Variants in NPIPB2 observed in about 807,000 individuals in gnomAD.
The protein encoded by NPIPB2 is nuclear pore complex-interacting protein family member B2.
A neutral mutation model predicts 30.8 loss-of-function variants in NPIPB2; 27 were observed. The observed-to-expected ratio is 0.88, with a 90% CI of 0.65 to 1.21. The LOEUF (loss-of-function observed/expected upper bound fraction) is 1.21, where lower values mean the gene tolerates loss of function less well. Ranked by LOEUF, NPIPB2 falls within the 50% of genes most tolerant of loss-of-function variation. NPIPB2 has a pLI of 0.00. For synonymous variants in NPIPB2, 147 were observed against 162.0 expected, an observed-to-expected ratio of 0.91 and a Z score of 0.70; for missense variants, 440 against 446.2, an observed-to-expected ratio of 0.99 and a Z score of 0.13.
chr16:11,932,004 G>A (rs2054795759), intron 4 of NPIPB2, among the ~76,000 whole-genome samples: 1 of 150,862 alleles, frequency 6.6e-6, no homozygotes, highest in Admixed American at 6.6e-5. Flanking sequence ...AGTGGATTGA[G>A]GGTCTGCCAA....
exon 1 of NPIPB2, chr16:11,941,988 C>T: frequency 1.7e-6 from 2 of 1,165,504 alleles, no homozygotes; most frequent in South Asian, 1.3e-5. Flanking sequence ...CATACCCAAG[C>T]AGAGTGCCAG....
In NPIPB2 at chr16:11,951,771, T is replaced by G. The variant is rs571795204; in HGVS notation, c.-583-9657A>C. Among the ~76,000 whole-genome samples, 20 of 152,094 alleles carry G rather than the reference T, an allele frequency of 1.3e-4. No individual in the cohort carries two copies. The South Asian group carries it at 3.9e-3, about 30-fold the overall frequency. On this transcript the variant is annotated intron_variant, in intron 1 of 5. Transcript: ENST00000538896. Reference sequence around the variant, plus strand: ...GGCCAGGTGCGGTGGCTCACGCCTGTAATCCCAGCACTTTGGGAGGCCGAG... The same window carrying G: ...GGCCAGGTGCGGTGGCTCACGCCTGGAATCCCAGCACTTTGGGAGGCCGAG...
Position 11,959,458 on chromosome 16 carries a change from C to T in NPIPB2, c.-584+17110G>A, listed in dbSNP as rs190497201. ...GAAAAAAAATTGCTATGCATGGTGG[C>T]GTACTATCGTAGTCCTAGCTACCTG... On this transcript the variant is annotated intron_variant, in intron 1 of 5. Transcript: ENST00000538896. 3.3e-5 allele frequency among the ~76,000 whole-genome samples: 5 copies of T among 151,998 alleles called. No individual in the cohort carries two copies. In the East Asian group the frequency reaches 7.8e-4, roughly 24 times the overall value.
intron 1 of NPIPB2, chr16:11,965,074 C>T: frequency 1.9e-6 from 1 of 521,282 alleles, no homozygotes. Context: ...TGTGATATGC[C>T]CTGATATTTA....
chr16:11,953,743 C>G lies in NPIPB2; in HGVS notation c.-583-11629G>C, dbSNP rs2055088025. 2.1e-5 allele frequency among the ~76,000 whole-genome samples: 3 copies of G among 140,538 alleles called. No individual in the cohort carries two copies. The Admixed American group carries it at 2.2e-4, about 10-fold the overall frequency. 92.2% of individuals were successfully genotyped at this position (140,538 alleles called of 152,430 possible). A position where few individuals can be genotyped will look rare whatever the true frequency, so the allele number is the denominator to read the frequency against. On this transcript the variant is annotated intron_variant, in intron 1 of 5. Coordinates refer to the NPIPB2 transcript ENST00000538896. ...TTTTTTTTTTTTTTTTGAGACGGAG[C>G]CTTTCTCTGTGGTCTGGGCTGGAAT... is the stretch of plus-strand genomic sequence containing the variant.
At chr16:11,933,363 A>T (rs1302770927) in intron 4 of NPIPB2, among the ~76,000 whole-genome samples, 154 bp downstream of exon 4, 1 of 152,186 alleles carries the variant, frequency 6.6e-6, no homozygotes, top group Non-Finnish European at 1.5e-5. Context: ...GGAATTATAC[A>T]GCTTAAACTA....
At chr16:11,976,525 C>T in intron 1 of NPIPB2, 1 of 348,912 alleles carries the variant, frequency 2.9e-6, no homozygotes, top group Non-Finnish European at 5.1e-6. Context: ...GCGTCTTGGG[C>T]ACTTGGGGAC....
exon 2 of NPIPB2, chr16:11,937,630 A>G (rs752945004): frequency 1.3e-6 from 2 of 1,599,466 alleles, no homozygotes; most frequent in Non-Finnish European, 1.7e-6. Flanking sequence ...CACCAAAGTC[A>G]GTCCCACGAT....
Position 11,967,012 on chromosome 16 carries a change from T to G in NPIPB2, c.-584+9556A>C, listed in dbSNP as rs1349059116. The stretch of plus-strand genomic sequence containing the variant: ...TTTATTTATTTATTTATTTATTTAT[T>G]TATTTAGAGATGGAGTCTCGCTCTG... On this transcript the variant is annotated intron_variant, in intron 1 of 5. Transcript: ENST00000538896. 5.4e-4 allele frequency: 85 copies of G among 157,914 alleles called. 2 individuals carry two copies. The Admixed American group carries it at 6.2e-3, about 12-fold the overall frequency. 9.8% of individuals were successfully genotyped at this position (157,914 alleles called of 1,614,324 possible).
Position 11,967,499 on chromosome 16 carries a change from G to A in NPIPB2, c.-584+9069C>T, listed in dbSNP as rs186933187. On this transcript the variant is annotated intron_variant, in intron 1 of 5. Transcript: ENST00000538896. ...CTCACATTGCTTTGAGTCCCGATGT[G>A]TACTGCTAAGACTCTCATGACCACA... The A allele has an allele frequency of 1.5e-5, 22 of 1,476,674 alleles. No individual in the cohort carries two copies. In the African/African-American group the frequency reaches 1.8e-4, roughly 12 times the overall value. 91.5% of individuals were successfully genotyped at this position (1,476,674 alleles called of 1,614,324 possible).
At chr16:11,962,605 C>T (rs1285214274) in intron 1 of NPIPB2, among the ~76,000 whole-genome samples, 1 of 124,668 alleles carries the variant, frequency 8.0e-6, no homozygotes, top group Admixed American at 9.0e-5. Context: ...GAGCAAGATT[C>T]TGTCTCAAAA....
At chr16:11,965,782 C>T (rs939305269) in intron 1 of NPIPB2, among the ~76,000 whole-genome samples, 1 of 152,120 alleles carries the variant, frequency 6.6e-6, no homozygotes, top group Non-Finnish European at 1.5e-5. Flanking sequence ...GCTATCAAAA[C>T]AATCCATAAT....
upstream of NPIPB2, among the ~76,000 whole-genome samples, chr16:11,943,309 A>T (rs1013870054): frequency 6.6e-6 from 1 of 152,180 alleles, no homozygotes; most frequent in Non-Finnish European, 1.5e-5. Flanking sequence ...ACAGAGCGAG[A>T]CTCTGTCTCA....
At chr16:11,975,148 T>TG (rs2055267560) in intron 1 of NPIPB2, among the ~76,000 whole-genome samples, 2 of 62,158 alleles carry the variant, frequency 3.2e-5, no homozygotes, top group East Asian at 1.0e-3. Context: ...CACCTTTTTT[T>TG]TTTTTTTTTT....
chr16:11,971,095 G>A (rs1468772055), intron 1 of NPIPB2, among the ~76,000 whole-genome samples: 1 of 150,416 alleles, frequency 6.6e-6, no homozygotes, highest in Non-Finnish European at 1.5e-5. Context: ...GGGCTCAAGC[G>A]ATCCTCCGAC....
upstream of NPIPB2, among the ~76,000 whole-genome samples, chr16:11,944,630 G>C (rs1351939917): frequency 6.7e-6 from 1 of 149,382 alleles, no homozygotes; most frequent in Non-Finnish European, 1.5e-5. Flanking sequence ...GGGCGTGGTG[G>C]TGCGCACCTG....
intron 1 of NPIPB2, chr16:11,965,096 T>C (rs1243358489): frequency 1.4e-5 from 8 of 576,152 alleles, no homozygotes; most frequent in South Asian, 6.6e-5. Flanking sequence ...ACCCTGTCTC[T>C]TACCCCATCC....
intron 1 of NPIPB2, among the ~76,000 whole-genome samples, chr16:11,938,155 A>G (rs1448407220): frequency 6.6e-6 from 1 of 151,736 alleles, no homozygotes; most frequent in Non-Finnish European, 1.5e-5. Context: ...AGTAGCTGAG[A>G]TTACAGGTCT....
chr16:11,975,681 C>T (rs866782384), intron 1 of NPIPB2, among the ~76,000 whole-genome samples: 6 of 151,750 alleles, frequency 4.0e-5, no homozygotes, highest in Admixed American at 1.3e-4. Context: ...ACCTCTGCCT[C>T]CCGGGTTCAA....
Sources: allele counts gnomAD v4.1 joint callset (sites outside exome capture counted in the v4.1 genomes callset), GRCh38; gene constraint gnomAD v4.1.1; transcripts MANE v1.5; gene names NCBI Gene and HGNC (gene_info 2026-07-23, HGNC 2026-07-21).